Variants in ARK2C observed in about 807,000 individuals in gnomAD.
The protein encoded by ARK2C is E3 ubiquitin-protein ligase ARK2C.
At chr18:46,367,996 A>T in the ARK2C span, among the ~76,000 whole-genome samples, 37 of 152,228 alleles carry the variant, frequency 2.4e-4, no homozygotes, top group Non-Finnish European at 4.7e-4. Context: ...CAGCACCCCC[A>T]GCTGGGAGGG....
chr18:46,375,427 A>G, the ARK2C span, among the ~76,000 whole-genome samples: 2 of 152,004 alleles, frequency 1.3e-5, no homozygotes, highest in Non-Finnish European at 2.9e-5. Flanking sequence ...GGTGGTACAC[A>G]CCTGTAATCC....
At chr18:46,355,102 A>G in the ARK2C span, among the ~76,000 whole-genome samples, 1 of 150,148 alleles carries the variant, frequency 6.7e-6, no homozygotes, top group South Asian at 2.1e-4. Flanking sequence ...GGAACATGCC[A>G]CCATGCCTGG....
At chr18:46,367,798 G>A in the ARK2C span, among the ~76,000 whole-genome samples, 7 of 152,236 alleles carry the variant, frequency 4.6e-5, no homozygotes, top group Non-Finnish European at 8.8e-5. Flanking sequence ...AAGCCTTCTT[G>A]AGTGTCAGAA....
the ARK2C span, among the ~76,000 whole-genome samples, chr18:46,426,150 A>T: frequency 6.6e-6 from 1 of 151,572 alleles, no homozygotes; most frequent in Non-Finnish European, 1.5e-5. Context: ...AGACCACAGC[A>T]CTCTCTCACT....
the ARK2C span, among the ~76,000 whole-genome samples, chr18:46,403,316 C>T: frequency 6.6e-6 from 1 of 152,148 alleles, no homozygotes; most frequent in Non-Finnish European, 1.5e-5. Flanking sequence ...GCAGAACAGC[C>T]CAAGGCTAAG....
the ARK2C span, among the ~76,000 whole-genome samples, chr18:46,396,114 A>T: frequency 6.6e-6 from 1 of 152,092 alleles, no homozygotes; most frequent in Non-Finnish European, 1.5e-5. Context: ...AATATGCAAG[A>T]CCCTTTGGGG....
the ARK2C span, among the ~76,000 whole-genome samples, chr18:46,389,621 C>A: frequency 6.6e-6 from 1 of 152,196 alleles, no homozygotes; most frequent in Non-Finnish European, 1.5e-5. Flanking sequence ...TTCTCCAAAC[C>A]CAGACTTCCA....
chr18:46,456,165 G>A, the ARK2C span: 3 of 855,426 alleles, frequency 3.5e-6, no homozygotes, highest in African/African-American at 1.7e-5. Context: ...GGGAGTTGGG[G>A]TGCTTGTTTG....
the ARK2C span, among the ~76,000 whole-genome samples, chr18:46,401,174 C>T: frequency 6.6e-6 from 1 of 152,060 alleles, no homozygotes; most frequent in Non-Finnish European, 1.5e-5. Context: ...ACTTGGTCCT[C>T]ACTCACAGCT....
At chr18:46,432,675 C>T in the ARK2C span, among the ~76,000 whole-genome samples, 1 of 152,212 alleles carries the variant, frequency 6.6e-6, no homozygotes, top group Admixed American at 6.5e-5. Context: ...TACACTTCCC[C>T]GGCCAGGCGC....
At chr18:46,433,647 G>A in the ARK2C span, 2 of 735,018 alleles carry the variant, frequency 2.7e-6, no homozygotes, top group Admixed American at 3.0e-5. Context: ...TAGACTCCTG[G>A]CTTCTCTCCC....
chr18:46,374,465 CTG>C, the ARK2C span, among the ~76,000 whole-genome samples: 4 of 152,204 alleles, frequency 2.6e-5, no homozygotes, highest in African/African-American at 9.6e-5. Context: ...CTTTCTGTCT[CTG>C]TGAATTTGAC....
chr18:46,439,493 G>T, the ARK2C span, among the ~76,000 whole-genome samples: 5 of 152,282 alleles, frequency 3.3e-5, no homozygotes, highest in South Asian at 1.0e-3. Context: ...GGGCCTAGCT[G>T]CACTTTCCCA....
At chr18:46,424,627 C>T in the ARK2C span, among the ~76,000 whole-genome samples, 7 of 152,294 alleles carry the variant, frequency 4.6e-5, no homozygotes, top group South Asian at 2.1e-4. Context: ...TTAGCCTCCC[C>T]GTGAATAAGA....
At chr18:46,351,500 C>G in the ARK2C span, among the ~76,000 whole-genome samples, 4 of 152,312 alleles carry the variant, frequency 2.6e-5, no homozygotes, top group East Asian at 1.9e-4. Flanking sequence ...CTAAGGCTGT[C>G]TCCTTGCACC....
the ARK2C span, among the ~76,000 whole-genome samples, chr18:46,414,718 A>G: frequency 2.6e-5 from 4 of 152,192 alleles, no homozygotes; most frequent in Non-Finnish European, 5.9e-5. Context: ...TTGAGACTCC[A>G]GAAGGGCAAA....
the ARK2C span, chr18:46,335,697 C>A: frequency 5.9e-6 from 1 of 169,704 alleles, no homozygotes; most frequent in Non-Finnish European, 1.2e-5. Context: ...GCCCCAGGGG[C>A]CCGATTGGGC....
At chr18:46,416,818 G>T in the ARK2C span, among the ~76,000 whole-genome samples, 1 of 152,240 alleles carries the variant, frequency 6.6e-6, no homozygotes, top group Admixed American at 6.5e-5. Context: ...GACCAAGAGA[G>T]AGTGGAAACT....
chr18:46,396,399 C>G, the ARK2C span, among the ~76,000 whole-genome samples: 1 of 152,180 alleles, frequency 6.6e-6, no homozygotes, highest in Non-Finnish European at 1.5e-5. Flanking sequence ...TGGGTTCAGG[C>G]TCTTGCAGAG....
Sources: allele counts gnomAD v4.1 joint callset (sites outside exome capture counted in the v4.1 genomes callset), GRCh38; gene constraint gnomAD v4.1.1; transcripts MANE v1.5; gene names NCBI Gene and HGNC (gene_info 2026-07-23, HGNC 2026-07-21).